Variants in MGAT4A observed in about 807,000 individuals in gnomAD.
MGAT4A encodes N-acetylglucosaminyltransferase IVa.
Under a neutral mutation model 74.1 loss-of-function variants are expected in MGAT4A, and 33 were observed. That is an observed-to-expected ratio of 0.45 (90% CI 0.34 to 0.60). MGAT4A has a LOEUF of 0.60. MGAT4A is among the 20% of genes least tolerant of loss of function. MGAT4A has a pLI of 0.02. For synonymous variants in MGAT4A, 198 were observed against 210.4 expected (o/e 0.94, Z 0.51); for missense variants, 479 against 628.3 (o/e 0.76, Z 2.54).
At chr2:98,636,457 T>G in intron 13 of MGAT4A, 60 bp downstream of exon 13, 1 of 1,265,366 alleles carries the variant, frequency 7.9e-7, no homozygotes. Context: ...AAGAAAAGCT[T>G]CAAGCTAAGT....
rs537036327 is a variant in MGAT4A at position 98,710,740 on chromosome 2, GC to G, written c.94+15498del. On this transcript the variant is annotated intron_variant, in intron 2 of 15. Transcript: ENST00000393487. The stretch of plus-strand genomic sequence containing the variant: ...ATCTACCAAAGTGCTGGGATTACAG[GC>G]GTGAGCTACTGTGCCCAGTAATTTT... Among the ~76,000 whole-genome samples the G allele has an allele frequency of 2.8e-4, 43 of 152,310 alleles. No individual in the cohort carries two copies. The South Asian group carries it at 8.9e-3, about 32-fold the overall frequency.
chr2:98,637,959 G>A lies in MGAT4A; in HGVS notation c.1323-1364C>T, dbSNP rs541810660. Among the ~76,000 whole-genome samples the A allele has an allele frequency of 3.9e-5, 6 of 152,290 alleles. No individual in the cohort carries two copies. The East Asian group carries it at 7.7e-4, about 20-fold the overall frequency. On this transcript the variant is annotated intron_variant, in intron 12 of 15. Coordinates refer to ENST00000393487, the MANE Select transcript of MGAT4A (RefSeq NM_012214.3). ...TGGGAATTCTTGGGGTGATAGAAACGGTCCTTATCTTGATATACTGTGTCA... is the reference window on the plus strand; with the variant it reads ...TGGGAATTCTTGGGGTGATAGAAACAGTCCTTATCTTGATATACTGTGTCA...
rs138432175 is a variant in MGAT4A at position 98,674,383 on chromosome 2, C to T, written c.403+652G>A. 1.8e-3 allele frequency among the ~76,000 whole-genome samples: 280 copies of T among 152,258 alleles called. 2 individuals carry two copies. The highest frequency in any genetic ancestry group is 4.5e-3 in the African/African-American group (188 of 41,552). On this transcript the variant is annotated intron_variant, in intron 4 of 15. Coordinates refer to ENST00000393487, the MANE Select transcript of MGAT4A (RefSeq NM_012214.3). ...CGGAATCAAATGTATGAGTGGTAAA[C>T]GGCTCTTGGGCTGCTTGCTCAAGCC...
At position 98,726,206 on chromosome 2, in the gene MGAT4A, T is replaced by C. The variant is rs1402911144; in HGVS notation, c.94+33A>G. On this transcript the variant is annotated intron_variant, in intron 2 of 15. Transcript: ENST00000393487. ...TTAACCAAGCAAAAACCCTAGTACA[T>C]TTCATGCACATTTTCCGAGTCATTT... 2.5e-6 allele frequency: 4 copies of C among 1,582,702 alleles called. No individual in the cohort carries two copies. In the Admixed American group the frequency reaches 6.7e-5, roughly 27 times the overall value.
At chr2:98,645,307 C>G in intron 9 of MGAT4A, 121 bp downstream of exon 9, 2 of 673,994 alleles carry the variant, frequency 3.0e-6, no homozygotes, top group Non-Finnish European at 4.8e-6. Context: ...CTTAAGTTTT[C>G]TCTAAAACAA....
intron 14 of MGAT4A, among the ~76,000 whole-genome samples, chr2:98,633,481 A>T (rs1429735753): frequency 6.6e-6 from 1 of 152,212 alleles, no homozygotes; most frequent in Admixed American, 6.5e-5. Context: ...ATAGTTTTTT[A>T]AAAATAATTT....
In MGAT4A at chr2:98,623,651, C is replaced by T; in HGVS notation, c.*1915G>A. The stretch of plus-strand genomic sequence containing the variant: ...AAAATTTCAACTGGCCTTTAACTGA[C>T]ATAAAAATCATTTTTGGCAATGTGA... On this transcript the variant is annotated 3_prime_UTR_variant, in exon 16 of 16. Coordinates refer to ENST00000393487, the MANE Select transcript of MGAT4A (RefSeq NM_012214.3). 1.0e-6 allele frequency: 1 copy of T among 985,262 alleles called. No homozygotes were observed. The highest frequency in any genetic ancestry group is 1.7e-5 in the African/African-American group (1 of 57,330). 61.0% of individuals were successfully genotyped at this position (985,262 alleles called of 1,614,324 possible). A position where few individuals can be genotyped will look rare whatever the true frequency, so the allele number is the denominator to read the frequency against.
rs117577428 is a variant in MGAT4A, at chr2:98,623,581, A to G, written c.*1985T>C. The G allele has an allele frequency of 6.9e-3, 6,795 of 985,432 alleles. 96 individuals are homozygous for G. Among genetic ancestry groups the G allele is most frequent in the African/African-American group, 0.048 (2,736 of 57,362 alleles). The allele number at this position is 985,432 out of a possible 1,614,324, so 61.0% of individuals were successfully genotyped here. ...CTGGGCCAAGGAAATTTGAGAAGAA[A>G]AAAATTCAAGAAAGTGAAAAGTAAA... On this transcript the variant is annotated 3_prime_UTR_variant, in exon 16 of 16. Coordinates refer to ENST00000393487, the MANE Select transcript of MGAT4A (RefSeq NM_012214.3).
At chr2:98,693,505 T>C (rs2104304789) in intron 2 of MGAT4A, among the ~76,000 whole-genome samples, 1 of 152,210 alleles carries the variant, frequency 6.6e-6, no homozygotes. Context: ...AAAACAATTA[T>C]AAACAGGCTA....
intron 2 of MGAT4A, among the ~76,000 whole-genome samples, chr2:98,698,604 T>C (rs12467276): frequency 0.27 from 40,828 of 151,962 alleles, 6,426 homozygotes; most frequent in Non-Finnish European, 0.36. Flanking sequence ...TTATCCTCTG[T>C]ACCTTACATT....
chr2:98,685,670 T>C (rs1281814305), intron 2 of MGAT4A, among the ~76,000 whole-genome samples: 2 of 152,206 alleles, frequency 1.3e-5, no homozygotes, highest in Non-Finnish European at 2.9e-5. Context: ...CTAATTAGAA[T>C]GGATAGCTAA....
chr2:98,639,984 T>C lies in MGAT4A; in HGVS notation c.1146A>G (p.Lys382=). The C allele has an allele frequency of 6.2e-7, 1 of 1,613,036 alleles. No individual in the cohort carries two copies. Among genetic ancestry groups the C allele is most frequent in the Non-Finnish European group, 8.5e-7 (1 of 1,179,492 alleles). ...TTACATGGATTTTAAGAAGTAATGG[T>C]TTCATATAATCTTTATCCTGGGAGC... ...IQKLTDKDYM[K]PLLLKIHVNP... is the part of the protein sequence containing the mutation. The change falls in exon 12 of 16, where the codon AAA becomes AAG. Residue 382 remains lysine, a synonymous_variant. Transcript: ENST00000393487.
intron 4 of MGAT4A, among the ~76,000 whole-genome samples, chr2:98,671,526 C>T (rs1701910201): frequency 6.6e-6 from 1 of 152,200 alleles, no homozygotes; most frequent in African/African-American, 2.4e-5. Flanking sequence ...CCTCACTCTA[C>T]ACGTAAACTA....
intron 1 of MGAT4A, 51 bp from the exon 2 acceptor site, chr2:98,726,618 A>G (rs1024965465): frequency 4.7e-5 from 18 of 379,414 alleles, no homozygotes; most frequent in African/African-American, 3.7e-4. Flanking sequence ...GCAAAATGTA[A>G]GTTTCTTCAT....
chr2:98,663,514 T>A, intron 4 of MGAT4A: 1 of 1,305,860 alleles, frequency 7.7e-7, no homozygotes, highest in South Asian at 2.0e-5. Flanking sequence ...AACTAATGTC[T>A]TATCTCTCGA....
chr2:98,674,540 A>C (rs1701953740), intron 4 of MGAT4A, among the ~76,000 whole-genome samples: 1 of 152,242 alleles, frequency 6.6e-6, no homozygotes, highest in Admixed American at 6.5e-5. Context: ...TCTGACAAGA[A>C]GAGAAAAATA....
At chr2:98,631,309 A>G (rs1701229503) in intron 14 of MGAT4A, among the ~76,000 whole-genome samples, 1 of 152,230 alleles carries the variant, frequency 6.6e-6, no homozygotes, top group South Asian at 2.1e-4. Context: ...CTCCAGGGCC[A>G]GTCTTGGCGA....
At chr2:98,644,198 T>A in intron 9 of MGAT4A, 145 bp from the exon 10 acceptor site, 1 of 873,808 alleles carries the variant, frequency 1.1e-6, no homozygotes, top group Non-Finnish European at 1.6e-6. Context: ...ACTTGTATTA[T>A]CAAAATTAAA....
chr2:98,720,237 T>C (rs987572067), intron 2 of MGAT4A, among the ~76,000 whole-genome samples: 7 of 152,232 alleles, frequency 4.6e-5, no homozygotes, highest in Non-Finnish European at 1.0e-4. Flanking sequence ...TGGATATGTC[T>C]GTGAAGGTAT....
Sources: allele counts gnomAD v4.1 joint callset (sites outside exome capture counted in the v4.1 genomes callset), GRCh38; gene constraint gnomAD v4.1.1; transcripts MANE v1.5; gene names NCBI Gene and HGNC (gene_info 2026-07-23, HGNC 2026-07-21).